The following DNAH6 variants were observed in gnomAD, a reference collection of about 807,000 sequenced individuals.
The protein encoded by DNAH6 is dynein axonemal heavy chain 6, also known as axonemal beta dynein heavy chain 6.
A neutral mutation model predicts 491.4 loss-of-function variants in DNAH6; 340 were observed. The ratio of observed to expected loss-of-function variants is 0.69; its 90% CI spans 0.63 to 0.76. The LOEUF (loss-of-function observed/expected upper bound fraction) is 0.76, where lower values mean the gene tolerates loss of function less well. DNAH6 is among the 30% of genes least tolerant of loss of function. The pLI, the probability that DNAH6 is intolerant of heterozygous loss-of-function variation, is 0.00. For missense variants in DNAH6, 4,443 were observed against 4,972.2 expected, an observed-to-expected ratio of 0.89 and a Z score of 3.20; for synonymous variants, 1,603 against 1,686.1, an observed-to-expected ratio of 0.95 and a Z score of 1.21.
At chr2:84,727,284 T>G (rs527922073) in intron 60 of DNAH6, among the ~76,000 whole-genome samples, 81 of 152,030 alleles carry the variant, frequency 5.3e-4, no homozygotes, top group Non-Finnish European at 1.1e-3. Context: ...GAAAGGGGAG[T>G]GTAGAAAACA....
chr2:84,727,686 T>G lies in DNAH6; in HGVS notation c.9990T>G (p.Ile3330Met), dbSNP rs1698767215. The part of the protein sequence containing the change: ...KYFKQLFNTT[I>M]ETSVKTENLQ... ...TCACACAGTTGTTCAATACCACCAT[T>G]GAAACTTCTGTAAAGACAGAAAATC... The change falls in exon 61 of 77, where the codon ATT (isoleucine) becomes ATG (methionine). Residue 3330 changes from isoleucine to methionine, a missense_variant. This residue lies in a region of DNAH6 where 1,463 missense variants were observed against 1,656.6 expected (regional missense o/e 0.88). Transcript: ENST00000389394. The G allele has an allele frequency of 1.3e-6, 2 of 1,549,520 alleles. No homozygotes were observed. Among genetic ancestry groups the G allele is most frequent in the Non-Finnish European group, 1.7e-6 (2 of 1,145,002 alleles).
At chr2:84,626,496 T>C (rs1275920780) in intron 29 of DNAH6, among the ~76,000 whole-genome samples, 2 of 152,208 alleles carry the variant, frequency 1.3e-5, no homozygotes, top group Non-Finnish European at 1.5e-5. Flanking sequence ...GAAAGATCAA[T>C]ACATATATCA....
chr2:84,461,467 C>T, the DNAH6 span, among the ~76,000 whole-genome samples: 1 of 152,154 alleles, frequency 6.6e-6, no homozygotes, highest in African/African-American at 2.4e-5. Flanking sequence ...TAGTCAATAC[C>T]ACACCACTCA....
intron 64 of DNAH6, among the ~76,000 whole-genome samples, chr2:84,779,162 TTAAG>T (rs528091011): frequency 2.4e-4 from 36 of 152,238 alleles, no homozygotes; most frequent in Non-Finnish European, 4.0e-4. Context: ...ATCCAATTGA[TTAAG>T]TGTCTGATTT....
At chr2:84,737,488 C>T (rs1026159821) in intron 62 of DNAH6, among the ~76,000 whole-genome samples, 4 of 151,660 alleles carry the variant, frequency 2.6e-5, no homozygotes, top group African/African-American at 9.7e-5. Context: ...GGTTTTTATT[C>T]CTGATTGAAC....
At chr2:84,729,447 TCC>T (rs1393559329) in intron 61 of DNAH6, among the ~76,000 whole-genome samples, 3 of 152,294 alleles carry the variant, frequency 2.0e-5, no homozygotes, top group African/African-American at 4.8e-5. Flanking sequence ...TTTTCGCCCT[TCC>T]TTCCTCACTG....
intron 47 of DNAH6, among the ~76,000 whole-genome samples, chr2:84,699,221 A>C (rs999825687): frequency 6.6e-6 from 1 of 152,068 alleles, no homozygotes; most frequent in African/African-American, 2.4e-5. Flanking sequence ...CATACCATGC[A>C]ACTTCTGCCA....
chr2:84,599,291 C>T (rs1009009012), intron 18 of DNAH6, among the ~76,000 whole-genome samples: 3 of 151,910 alleles, frequency 2.0e-5, no homozygotes, highest in Admixed American at 2.0e-4. Flanking sequence ...TTTTCAGTTC[C>T]TGTACAGTGA....
chr2:84,755,760 A>T (rs1362258707), intron 63 of DNAH6, among the ~76,000 whole-genome samples: 1 of 152,162 alleles, frequency 6.6e-6, no homozygotes, highest in Non-Finnish European at 1.5e-5. Flanking sequence ...ATCATTAACC[A>T]TGATGTTAGC....
chr2:84,784,866 C>G, intron 66 of DNAH6, 56 bp downstream of exon 66: 3 of 1,236,868 alleles, frequency 2.4e-6, no homozygotes, highest in Non-Finnish European at 3.5e-6. Flanking sequence ...GAATATTCAC[C>G]TAGTGCCTCC....
chr2:84,572,075 A>C (rs946009541), intron 11 of DNAH6, among the ~76,000 whole-genome samples: 4 of 152,252 alleles, frequency 2.6e-5, no homozygotes, highest in Non-Finnish European at 1.5e-5. Context: ...CGGTAATTAG[A>C]TAGCAGTATT....
chr2:84,530,407 A>C (rs1200842008), intron 4 of DNAH6, among the ~76,000 whole-genome samples: 1 of 152,160 alleles, frequency 6.6e-6, no homozygotes, highest in East Asian at 1.9e-4. Flanking sequence ...AGGCAGCAGG[A>C]AAATGAATAC....
At chr2:84,553,394 T>C (rs1572997979) in intron 10 of DNAH6, among the ~76,000 whole-genome samples, 2 of 142,628 alleles carry the variant, frequency 1.4e-5, no homozygotes, top group African/African-American at 5.3e-5. Flanking sequence ...TCTTTCTTTC[T>C]TTCTTTCTTT....
At chr2:84,708,140 T>C (rs1468919564) in intron 54 of DNAH6, among the ~76,000 whole-genome samples, 1 of 151,992 alleles carries the variant, frequency 6.6e-6, no homozygotes, top group Admixed American at 6.6e-5. Flanking sequence ...TTTATCTCTA[T>C]AAGAAAGAAA....
At chr2:84,626,606 C>CT (rs1478287037) in intron 29 of DNAH6, among the ~76,000 whole-genome samples, 2 of 152,022 alleles carry the variant, frequency 1.3e-5, no homozygotes, top group Non-Finnish European at 2.9e-5. Flanking sequence ...TTATTTTTCT[C>CT]TTTTTTTATT....
chr2:84,570,961 A>G (rs551316498), intron 11 of DNAH6, among the ~76,000 whole-genome samples: 1 of 152,280 alleles, frequency 6.6e-6, no homozygotes, highest in East Asian at 1.9e-4. Flanking sequence ...CGGACACACC[A>G]TCTTTAAGAG....
chr2:84,553,035 G>A lies in DNAH6; in HGVS notation c.1602+1G>A. 6.4e-7 allele frequency: 1 copy of A among 1,564,908 alleles called. No individual in the cohort carries two copies. The highest frequency in any genetic ancestry group is 8.7e-7 in the Non-Finnish European group (1 of 1,145,500). Reference sequence around the variant, plus strand: ...TGAGCCTTCTCTGGAAGACTTTCTGGTGTGTGTTTTTCATGTATTATCCAC... The same window carrying A: ...TGAGCCTTCTCTGGAAGACTTTCTGATGTGTGTTTTTCATGTATTATCCAC... On this transcript the variant is annotated splice_donor_variant, in intron 10 of 76. Coordinates refer to ENST00000389394, the MANE Select transcript of DNAH6 (RefSeq NM_001370.2). LOFTEE classifies it high-confidence loss of function.
rs1331363720 is a variant in DNAH6 at position 84,654,797 on chromosome 2, A to G, written c.5757+15A>G. The G allele has an allele frequency of 3.9e-6, 6 of 1,549,770 alleles. No individual in the cohort carries two copies. The highest frequency in any genetic ancestry group is 5.2e-6 in the Non-Finnish European group (6 of 1,145,508). ...TTTCTAAAAAAGTAAGTGCCATCAGATATTCCCCAATATCTCCATCTGTCA... is the reference window on the plus strand; with the variant it reads ...TTTCTAAAAAAGTAAGTGCCATCAGGTATTCCCCAATATCTCCATCTGTCA... On this transcript the variant is annotated intron_variant, in intron 35 of 76. Transcript: ENST00000389394.
intron 57 of DNAH6, among the ~76,000 whole-genome samples, chr2:84,713,925 A>C (rs959917155): frequency 3.3e-5 from 5 of 152,110 alleles, no homozygotes; most frequent in African/African-American, 1.2e-4. Context: ...TCCACTCCAT[A>C]CATATGTCCC....
Sources: gnomAD v4.1 joint callset for allele counts (sites outside exome capture counted in the v4.1 genomes callset) on GRCh38, gnomAD v4.1.1 for gene constraint, gnomAD v4.1.1 regional missense constraint, MANE v1.5 for transcripts, NCBI Gene and HGNC (gene_info 2026-07-23, HGNC 2026-07-21) for gene names.